The following DIP2B variants were observed in gnomAD, a reference collection of about 807,000 sequenced individuals.
DIP2B encodes DIP2 acetate--CoA ligase B (putative).
A neutral mutation model predicts 198.0 loss-of-function variants in DIP2B; 76 were observed. The ratio of observed to expected loss-of-function variants is 0.38; its 90% confidence interval spans 0.32 to 0.46. The LOEUF (loss-of-function observed/expected upper bound fraction) is 0.46, where lower values mean the gene tolerates loss of function less well. Ranked by LOEUF, DIP2B falls within the 20% of genes least tolerant of loss-of-function variation. The pLI, the probability that DIP2B is intolerant of heterozygous loss-of-function variation, is 0.99. For synonymous variants in DIP2B, 701 were observed against 739.1 expected, an observed-to-expected ratio of 0.95 and a Z score of 0.84; for missense variants, 1,559 against 1,978.4, an observed-to-expected ratio of 0.79 and a Z score of 4.02.
intron 3 of DIP2B, 108 bp from the exon 4 acceptor site, chr12:50,660,086 T>G: frequency 3.4e-6 from 4 of 1,172,920 alleles, no homozygotes; most frequent in East Asian, 2.8e-5. Flanking sequence ...AACGTCCCCT[T>G]TACCTTTTTT....
intron 14 of DIP2B, 28 bp from the exon 15 acceptor site, chr12:50,695,239 T>A (rs751439854): frequency 6.3e-7 from 1 of 1,584,994 alleles, no homozygotes; most frequent in Non-Finnish European, 8.6e-7. Context: ...TTTGTATTGA[T>A]TACTTTTCTT....
At chr12:50,725,971 C>T (rs1939926170) in intron 28 of DIP2B, among the ~76,000 whole-genome samples, 1 of 151,592 alleles carries the variant, frequency 6.6e-6, no homozygotes, top group South Asian at 2.1e-4. Context: ...GATAGAAGCA[C>T]AGTTATATAC....
At chr12:50,630,461 A>G (rs889995588) in intron 2 of DIP2B, among the ~76,000 whole-genome samples, 12 of 152,002 alleles carry the variant, frequency 7.9e-5, no homozygotes, top group African/African-American at 2.7e-4. Flanking sequence ...CTATGTTATT[A>G]GGTACATTCA....
intron 2 of DIP2B, among the ~76,000 whole-genome samples, chr12:50,632,763 C>T (rs1002631213): frequency 1.3e-5 from 2 of 151,850 alleles, no homozygotes; most frequent in Non-Finnish European, 2.9e-5. Flanking sequence ...TCTCAAACTC[C>T]TGACCTCAAG....
chr12:50,720,654 T>A (rs1939819320), intron 25 of DIP2B, among the ~76,000 whole-genome samples: 1 of 152,084 alleles, frequency 6.6e-6, no homozygotes. Context: ...CGGTGGCTCA[T>A]GCCTATAATC....
At chr12:50,636,690 C>G (rs189647467) in intron 2 of DIP2B, among the ~76,000 whole-genome samples, 1 of 152,172 alleles carries the variant, frequency 6.6e-6, no homozygotes, top group Non-Finnish European at 1.5e-5. Context: ...TGAGCCTGTT[C>G]CCTGCATCGG....
At chr12:50,670,268 G>A (rs1279117883) in intron 4 of DIP2B, among the ~76,000 whole-genome samples, 1 of 151,880 alleles carries the variant, frequency 6.6e-6, no homozygotes, top group Non-Finnish European at 1.5e-5. Context: ...CTGATGCTGT[G>A]CCTTCTCCTG....
At chr12:50,653,325 TTTC>T (rs1445499914) in intron 3 of DIP2B, among the ~76,000 whole-genome samples, 7 of 124,290 alleles carry the variant, frequency 5.6e-5, no homozygotes, top group African/African-American at 1.7e-4. Context: ...GTAGTCTTTC[TTTC>T]TTTTTTTTTT....
intron 1 of DIP2B, among the ~76,000 whole-genome samples, chr12:50,548,244 T>C (rs1958394314): frequency 6.6e-6 from 1 of 152,128 alleles, no homozygotes. Flanking sequence ...ACTTTTTTTG[T>C]GTATGCTTTT....
chr12:50,606,609 C>T (rs1045747429), intron 1 of DIP2B, among the ~76,000 whole-genome samples: 11 of 152,150 alleles, frequency 7.2e-5, no homozygotes, highest in African/African-American at 2.7e-4. Context: ...AAAATTCACT[C>T]ATTCCAAAAA....
At chr12:50,606,452 CGAG>C (rs1565842637) in intron 1 of DIP2B, among the ~76,000 whole-genome samples, 1 of 152,128 alleles carries the variant, frequency 6.6e-6, no homozygotes, top group African/African-American at 2.4e-5. Flanking sequence ...GATAATATTG[CGAG>C]GATATACCAT....
At chr12:50,665,214 C>T (rs1938728907) in intron 4 of DIP2B, among the ~76,000 whole-genome samples, 1 of 152,120 alleles carries the variant, frequency 6.6e-6, no homozygotes, top group Non-Finnish European at 1.5e-5. Context: ...TTTAATAATG[C>T]TTCATGGAAT....
intron 1 of DIP2B, among the ~76,000 whole-genome samples, chr12:50,616,329 T>G (rs761333436): frequency 6.6e-5 from 10 of 152,244 alleles, no homozygotes; most frequent in Non-Finnish European, 1.3e-4. Flanking sequence ...TTTGTAAGAT[T>G]AGCAAAGTTG....
At chr12:50,514,896 A>G (rs1249689736) in intron 1 of DIP2B, among the ~76,000 whole-genome samples, 2 of 151,868 alleles carry the variant, frequency 1.3e-5, no homozygotes, top group Non-Finnish European at 2.9e-5. Context: ...GGGCTCAAAT[A>G]ATCTTCCCAC....
chr12:50,694,634 A>G (rs1025581850), intron 14 of DIP2B, among the ~76,000 whole-genome samples: 1 of 148,826 alleles, frequency 6.7e-6, no homozygotes, highest in African/African-American at 2.5e-5. Context: ...AGCCTGGGCA[A>G]CATAGTGAAA....
intron 1 of DIP2B, among the ~76,000 whole-genome samples, chr12:50,606,303 T>C (rs1046538902): frequency 4.6e-5 from 7 of 152,100 alleles, no homozygotes; most frequent in African/African-American, 1.7e-4. Flanking sequence ...TTAGTTTTTG[T>C]AGAGATGAGG....
chr12:50,550,276 G>A (rs1210702094), intron 1 of DIP2B, among the ~76,000 whole-genome samples: 1 of 152,028 alleles, frequency 6.6e-6, no homozygotes, highest in African/African-American at 2.4e-5. Flanking sequence ...CTGGAATTTT[G>A]AAAATTGAAG....
intron 1 of DIP2B, among the ~76,000 whole-genome samples, chr12:50,584,745 GT>G (rs938042891): frequency 1.3e-5 from 2 of 152,118 alleles, no homozygotes; most frequent in African/African-American, 4.8e-5. Context: ...TGTATTTTTA[GT>G]AGAGATGGAG....
chr12:50,665,032 A>G (rs1021932344), intron 4 of DIP2B, among the ~76,000 whole-genome samples: 2 of 151,586 alleles, frequency 1.3e-5, no homozygotes, highest in African/African-American at 2.4e-5. Context: ...TATTTTTTGT[A>G]GAGTTGGAGA....
Sources: gnomAD v4.1 joint callset for allele counts (sites outside exome capture counted in the v4.1 genomes callset) on GRCh38, gnomAD v4.1.1 for gene constraint, MANE v1.5 for transcripts, NCBI Gene and HGNC (gene_info 2026-07-23, HGNC 2026-07-21) for gene names.